PTK2: variants seen among roughly 807,000 people sequenced by gnomAD.
PTK2 encodes focal adhesion kinase 1.
Under a neutral mutation model 150.1 loss-of-function variants are expected in PTK2, and 45 were observed. The ratio of observed to expected loss-of-function variants is 0.30; its 90% CI spans 0.24 to 0.38. The LOEUF is 0.38. Ranked by LOEUF, PTK2 falls within the 10% of genes least tolerant of loss-of-function variation. PTK2 has a pLI of 1.00. For synonymous variants in PTK2, 432 were observed against 449.2 expected (o/e 0.96, Z 0.48); for missense variants, 919 against 1,307.3 (o/e 0.70, Z 4.58).
chr8:140,678,845 C>T (rs1339956173), intron 27 of PTK2, among the ~76,000 whole-genome samples: 1 of 151,722 alleles, frequency 6.6e-6, no homozygotes, highest in Non-Finnish European at 1.5e-5. Flanking sequence ...TGGAAACGGG[C>T]CAATACTTTA....
intron 1 of PTK2, chr8:140,954,716 C>T (rs538501071): frequency 2.4e-4 from 36 of 152,228 alleles, no homozygotes; most frequent in African/African-American, 7.2e-4. Context: ...TCTCAAGACA[C>T]AAGTATAGCA....
intron 27 of PTK2, among the ~76,000 whole-genome samples, chr8:140,676,814 C>G (rs1461905519): frequency 3.3e-4 from 44 of 134,328 alleles, no homozygotes; most frequent in South Asian, 2.7e-3. Flanking sequence ...GGTGTGTGCC[C>G]GTAATCCCAG....
At chr8:140,842,171 T>C (rs954895743) in intron 7 of PTK2, among the ~76,000 whole-genome samples, 1 of 152,084 alleles carries the variant, frequency 6.6e-6, no homozygotes, top group Non-Finnish European at 1.5e-5. Context: ...ATGATGGTGG[T>C]TATCAGTGAG....
intron 2 of PTK2, among the ~76,000 whole-genome samples, chr8:140,908,041 C>T (rs370100645): frequency 5.9e-5 from 9 of 152,146 alleles, no homozygotes; most frequent in Non-Finnish European, 1.0e-4. Context: ...TGAAACAAGC[C>T]AAAAGCTAGG....
intron 10 of PTK2, 123 bp from the exon 11 acceptor site, chr8:140,803,773 GA>G (rs1365198488): frequency 6.0e-6 from 5 of 827,782 alleles, no homozygotes; most frequent in African/African-American, 3.4e-5. Flanking sequence ...GAGGTCTGGG[GA>G]AAAAAACAGA....
At chr8:140,729,829 T>C (rs1011671439) in intron 22 of PTK2, among the ~76,000 whole-genome samples, 11 of 152,204 alleles carry the variant, frequency 7.2e-5, no homozygotes, top group Non-Finnish European at 1.6e-4. Context: ...TGGACCTAGC[T>C]TGAATTCCAG....
rs559219871 is a variant in PTK2, at chr8:140,944,664, C to T, written c.-121-18915G>A. Among the ~76,000 whole-genome samples, 17 of 152,312 alleles carry T rather than the reference C, an allele frequency of 1.1e-4. No homozygotes were observed. In the South Asian group the frequency reaches 3.5e-3, roughly 32 times the overall value. ...TCCTGAATCACAGTGCAAATAAAGA[C>T]CAGAAGGATGTGCTCTTCACAAAAC... On this transcript the variant is annotated intron_variant, in intron 1 of 31. Transcript: ENST00000522684.
intron 7 of PTK2, among the ~76,000 whole-genome samples, chr8:140,845,613 T>A (rs1258488894): frequency 6.6e-6 from 1 of 152,238 alleles, no homozygotes; most frequent in Non-Finnish European, 1.5e-5. Flanking sequence ...TTTGCTTACT[T>A]GTCTGAGAGT....
chr8:140,859,180 G>C (rs1272461640), intron 5 of PTK2, among the ~76,000 whole-genome samples: 1 of 152,108 alleles, frequency 6.6e-6, no homozygotes, highest in African/African-American at 2.4e-5. Context: ...TAGAACTGAA[G>C]AATAAAAACA....
At chr8:140,819,314 A>G (rs2100106759) in intron 8 of PTK2, among the ~76,000 whole-genome samples, 1 of 152,250 alleles carries the variant, frequency 6.6e-6, no homozygotes. Flanking sequence ...CACATGACTC[A>G]GAAAACACCA....
intron 1 of PTK2, among the ~76,000 whole-genome samples, chr8:140,948,384 C>T (rs1186556812): frequency 1.3e-5 from 2 of 152,052 alleles, no homozygotes; most frequent in Non-Finnish European, 2.9e-5. Context: ...GGGAGACATG[C>T]TGGAACTGGG....
At chr8:140,752,466 A>G (rs2100063342) in intron 16 of PTK2, 150 bp from the exon 20 acceptor site, 1 of 634,588 alleles carries the variant, frequency 1.6e-6, no homozygotes, top group African/African-American at 1.8e-5. Context: ...AGGGATACTT[A>G]AAAACACTCA....
chr8:140,873,661 T>G (rs956737075), intron 4 of PTK2, among the ~76,000 whole-genome samples: 24 of 152,110 alleles, frequency 1.6e-4, no homozygotes, highest in Non-Finnish European at 4.4e-5. Context: ...GGCGGGGGTT[T>G]CACCACGTTA....
chr8:140,764,550 G>A (rs1471469900), intron 14 of PTK2: 8 of 485,352 alleles, frequency 1.6e-5, no homozygotes, highest in Non-Finnish European at 2.9e-5. Flanking sequence ...GTAAAAAACA[G>A]AACGACATGA....
intron 1 of PTK2, among the ~76,000 whole-genome samples, chr8:140,927,958 G>GAAAAAAAAAA (rs57931737): frequency 1.6e-5 from 1 of 63,632 alleles, no homozygotes; most frequent in Non-Finnish European, 2.6e-5. Context: ...AAAAAAAAAA[G>GAAAAAAAAAA]AAAAAAAAAA....
intron 16 of PTK2, among the ~76,000 whole-genome samples, chr8:140,755,971 C>T (rs1398354193): frequency 1.3e-5 from 2 of 152,128 alleles, no homozygotes; most frequent in Admixed American, 6.5e-5. Context: ...GACTGCTTTG[C>T]ACTATAAAAT....
intron 1 of PTK2, among the ~76,000 whole-genome samples, chr8:140,968,768 T>C (rs1442185555): frequency 6.6e-6 from 1 of 152,196 alleles, no homozygotes. Context: ...GCTATCATGA[T>C]ATATGGTAAG....
At chr8:140,980,090 A>G (rs1260681490) in intron 1 of PTK2, among the ~76,000 whole-genome samples, 2 of 152,232 alleles carry the variant, frequency 1.3e-5, no homozygotes, top group African/African-American at 2.4e-5. Context: ...CTAGATACAT[A>G]GGCTATGCAC....
intron 2 of PTK2, among the ~76,000 whole-genome samples, chr8:140,896,440 C>T (rs369127796): frequency 1.3e-5 from 2 of 152,128 alleles, no homozygotes; most frequent in African/African-American, 4.8e-5. Flanking sequence ...GTATCATGAC[C>T]AAAAGTTTAT....
Sources: allele counts gnomAD v4.1 joint callset (sites outside exome capture counted in the v4.1 genomes callset), GRCh38; gene constraint gnomAD v4.1.1; transcripts MANE v1.5; gene names NCBI Gene and HGNC (gene_info 2026-07-23, HGNC 2026-07-21).